Variants in PEPD observed in about 807,000 individuals in gnomAD.
The protein encoded by PEPD is peptidase D, also known as xaa-Pro dipeptidase.
PEPD carries 53 observed loss-of-function variants against 60.7 expected under a neutral mutation model. The ratio of observed to expected loss-of-function variants is 0.87; its 90% CI spans 0.70 to 1.10. The LOEUF (loss-of-function observed/expected upper bound fraction) is 1.10. PEPD is among the 50% of genes least tolerant of loss of function. The pLI, the probability that PEPD is intolerant of heterozygous loss-of-function variation, is 0.00. For synonymous variants in PEPD, 267 were observed against 284.1 expected (o/e 0.94, Z 0.60); for missense variants, 711 against 711.9 (o/e 1.00, Z 0.01).
chr19:33,498,239 G>A (rs1291870116), intron 4 of PEPD, among the ~76,000 whole-genome samples: 1 of 152,152 alleles, frequency 6.6e-6, no homozygotes, highest in African/African-American at 2.4e-5. Context: ...GGCGTTGACG[G>A]GGTGCGGTGG....
chr19:33,491,404 C>G (rs1368099764), intron 5 of PEPD, among the ~76,000 whole-genome samples: 1 of 152,136 alleles, frequency 6.6e-6, no homozygotes, highest in African/African-American at 2.4e-5. Flanking sequence ...GAGCCAAGAT[C>G]GCTCCACTGC....
At chr19:33,401,590 A>G in intron 12 of PEPD, 131 bp downstream of exon 12, 3 of 872,826 alleles carry the variant, frequency 3.4e-6, no homozygotes, top group Non-Finnish European at 5.5e-6. Context: ...CTGGAATCTC[A>G]GGGACTAAGC....
chr19:33,486,414 G>A (rs956878009), intron 6 of PEPD, among the ~76,000 whole-genome samples: 23 of 151,870 alleles, frequency 1.5e-4, no homozygotes, highest in African/African-American at 5.1e-4. Context: ...TGCCTGGGCC[G>A]GACCCCAAAC....
chr19:33,402,986 C>A (rs1362629864), intron 11 of PEPD, among the ~76,000 whole-genome samples: 1 of 152,286 alleles, frequency 6.6e-6, no homozygotes, highest in East Asian at 1.9e-4. Context: ...GACCTCAGGG[C>A]CCTCTCTGGG....
chr19:33,496,668 G>A (rs986300501), intron 4 of PEPD, among the ~76,000 whole-genome samples: 3 of 150,316 alleles, frequency 2.0e-5, no homozygotes, highest in Non-Finnish European at 4.4e-5. Flanking sequence ...GGTGGCCACT[G>A]GGGACCTCTC....
chr19:33,408,840 G>A (rs11084730), intron 11 of PEPD, among the ~76,000 whole-genome samples: 6,552 of 152,300 alleles, frequency 0.043, 174 homozygotes, highest in African/African-American at 0.074. Context: ...CGCAGTAGGC[G>A]CTCGGCAGAT....
chr19:33,430,877 C>G lies in PEPD; in HGVS notation c.672-17234G>C, dbSNP rs557866742. Among the ~76,000 whole-genome samples the G allele has an allele frequency of 3.7e-4, 57 of 152,218 alleles. 1 individual carries two copies. The Middle Eastern group carries it at 0.017, about 45-fold the overall frequency. ...GGTCGCAAGTGCACGCCGTCTGCCA[C>G]GCACACAGAGCTCCTTGAAAAACCT... On this transcript the variant is annotated intron_variant, in intron 9 of 14. Coordinates refer to ENST00000244137, the MANE Select transcript of PEPD (RefSeq NM_000285.4).
intron 9 of PEPD, among the ~76,000 whole-genome samples, chr19:33,442,687 C>A (rs2145236361): frequency 1.3e-5 from 2 of 151,668 alleles, no homozygotes; most frequent in African/African-American, 4.8e-5. Context: ...CCAGCCTGGG[C>A]AACAGAGCGA....
At chr19:33,507,719 AG>A (rs1025892054) in intron 3 of PEPD, among the ~76,000 whole-genome samples, 49 of 152,230 alleles carry the variant, frequency 3.2e-4, no homozygotes, top group African/African-American at 1.2e-3. Context: ...TGATTCCAGG[AG>A]CGGCTGGAAG....
chr19:33,446,626 A>C (rs1371418088), intron 9 of PEPD, among the ~76,000 whole-genome samples: 1 of 152,216 alleles, frequency 6.6e-6, no homozygotes, highest in Non-Finnish European at 1.5e-5. Flanking sequence ...CCCTGTTTGC[A>C]CAGTGCATCC....
At chr19:33,482,994 A>G (rs150554543) in intron 6 of PEPD, among the ~76,000 whole-genome samples, 1 of 152,370 alleles carries the variant, frequency 6.6e-6, no homozygotes, top group African/African-American at 2.4e-5. Context: ...AACATTTATC[A>G]TAATGGTCAC....
chr19:33,468,202 C>T (rs543415880), intron 7 of PEPD, among the ~76,000 whole-genome samples: 4 of 152,276 alleles, frequency 2.6e-5, no homozygotes, highest in South Asian at 4.1e-4. Context: ...CGGTGCACCC[C>T]CTGGCCAGCT....
chr19:33,407,759 C>CT (rs1416726276), intron 11 of PEPD, among the ~76,000 whole-genome samples: 1 of 152,216 alleles, frequency 6.6e-6, no homozygotes, highest in Non-Finnish European at 1.5e-5. Flanking sequence ...GGAAAAGACT[C>CT]TGAGAACAAC....
chr19:33,515,650 AGG>A (rs995229030), intron 1 of PEPD, among the ~76,000 whole-genome samples: 2 of 151,122 alleles, frequency 1.3e-5, no homozygotes, highest in Non-Finnish European at 2.9e-5. Flanking sequence ...CCAACAGCTT[AGG>A]GGCAATGACA....
chr19:33,496,953 G>C (rs1970618944), intron 4 of PEPD, among the ~76,000 whole-genome samples: 1 of 152,274 alleles, frequency 6.6e-6, no homozygotes, highest in African/African-American at 2.4e-5. Context: ...TGCCAGCGCT[G>C]GGAAAGCCTG....
intron 4 of PEPD, among the ~76,000 whole-genome samples, chr19:33,496,995 A>G (rs1970620011): frequency 6.6e-6 from 1 of 152,286 alleles, no homozygotes; most frequent in African/African-American, 2.4e-5. Context: ...CTGCCCTGCA[A>G]TCACTGAAGC....
intron 9 of PEPD, among the ~76,000 whole-genome samples, chr19:33,437,514 T>C (rs1969401514): frequency 6.6e-6 from 1 of 151,900 alleles, no homozygotes. Context: ...GAGACAGCAC[T>C]CCAGAATCAG....
rs143073844 is a variant in PEPD, at chr19:33,446,202, C to T, written c.671+16793G>A. Among the ~76,000 whole-genome samples, 469 of 152,256 alleles carry T rather than the reference C, an allele frequency of 3.1e-3. 2 individuals are homozygous for T. Among genetic ancestry groups the T allele is most frequent in the Admixed American group, 4.8e-3 (74 of 15,286 alleles). On this transcript the variant is annotated intron_variant, in intron 9 of 14. Transcript: ENST00000244137. ...GAGCCACCAGCACTATCTCCAGGCA[C>T]GCCACCCATCACGGCAGCCGCCAGA... is the stretch of plus-strand genomic sequence containing the variant.
intron 7 of PEPD, among the ~76,000 whole-genome samples, chr19:33,466,101 T>C (rs1970013254): frequency 1.3e-5 from 2 of 152,232 alleles, no homozygotes; most frequent in African/African-American, 4.8e-5. Flanking sequence ...TCCAAGTATG[T>C]GGCTCTGAGA....
Sources: allele counts gnomAD v4.1 joint callset (sites outside exome capture counted in the v4.1 genomes callset), GRCh38; gene constraint gnomAD v4.1.1; transcripts MANE v1.5; gene names NCBI Gene and HGNC (gene_info 2026-07-23, HGNC 2026-07-21).